Variants in USP34 observed in about 807,000 individuals in gnomAD.
USP34 encodes the protein ubiquitin carboxyl-terminal hydrolase 34.
A neutral mutation model predicts 460.3 loss-of-function variants in USP34; 70 were observed. The ratio of observed to expected loss-of-function variants is 0.15; its 90% confidence interval spans 0.13 to 0.19. The LOEUF is 0.19. Among genes scored for constraint, USP34 ranks in the 10% least tolerant of loss-of-function variants. The pLI, the probability that USP34 is intolerant of heterozygous loss-of-function variation, is 1.00. For synonymous variants in USP34, 1,647 were observed against 1,405.3 expected, an observed-to-expected ratio of 1.17 and a Z score of -3.85; for missense variants, 3,985 against 4,236.2, an observed-to-expected ratio of 0.94 and a Z score of 1.65.
intron 75 of USP34, among the ~76,000 whole-genome samples, chr2:61,202,523 GCT>G (rs565063753): frequency 4.9e-4 from 75 of 152,250 alleles, no homozygotes; most frequent in Non-Finnish European, 9.9e-4. Flanking sequence ...TTCTCTAACA[GCT>G]CTTAGGCACA....
chr2:61,190,127 A>G, intron 78 of USP34, 144 bp downstream of exon 78: 1 of 1,120,586 alleles, frequency 8.9e-7, no homozygotes, highest in Admixed American at 2.6e-5. Context: ...GTAAACGTGT[A>G]TTTAAAACTT....
chr2:61,243,490 G>GA (rs1032952219), intron 51 of USP34, among the ~76,000 whole-genome samples: 13 of 144,860 alleles, frequency 9.0e-5, no homozygotes, highest in Non-Finnish European at 1.5e-4. Context: ...ATATGTAAAA[G>GA]AAAAAAAAAG....
chr2:61,393,412 C>T (rs75828768), intron 5 of USP34, among the ~76,000 whole-genome samples: 18,563 of 141,990 alleles, frequency 0.13, 1,545 homozygotes, highest in South Asian at 0.36. Flanking sequence ...GCCTGGGCAA[C>T]AGAGCCAGAC....
At chr2:61,221,446 A>G in intron 66 of USP34, 56 bp downstream of exon 66, 1 of 1,478,704 alleles carries the variant, frequency 6.8e-7, no homozygotes, top group Non-Finnish European at 9.2e-7. Flanking sequence ...TGACTATATT[A>G]TAAAAATAAA....
At chr2:61,464,378 G>T (rs1695700952) in intron 1 of USP34, among the ~76,000 whole-genome samples, 1 of 152,088 alleles carries the variant, frequency 6.6e-6, no homozygotes, top group African/African-American at 2.4e-5. Flanking sequence ...ACAGATATTG[G>T]AGTAGCTGAG....
chr2:61,353,394 G>GTTT (rs1028464455), intron 10 of USP34, among the ~76,000 whole-genome samples: 3 of 135,286 alleles, frequency 2.2e-5, no homozygotes, highest in African/African-American at 3.1e-5. Flanking sequence ...CTAGACGAAT[G>GTTT]TTTTTTTTTT....
chr2:61,315,346 A>G (rs1383867245), intron 23 of USP34, among the ~76,000 whole-genome samples: 3 of 152,060 alleles, frequency 2.0e-5, no homozygotes, highest in Non-Finnish European at 4.4e-5. Flanking sequence ...GAAAATTAAC[A>G]ACATATGCTA....
intron 32 of USP34, 114 bp downstream of exon 32, chr2:61,294,835 C>T: frequency 1.2e-6 from 1 of 854,204 alleles, no homozygotes; most frequent in Non-Finnish European, 1.8e-6. Context: ...TTAAACTATG[C>T]TTTATTTTAA....
chr2:61,347,530 T>A (rs1024705515), intron 15 of USP34, among the ~76,000 whole-genome samples: 3 of 152,008 alleles, frequency 2.0e-5, no homozygotes, highest in African/African-American at 7.2e-5. Flanking sequence ...TGCACCACCA[T>A]GCCCGGCTAA....
At chr2:61,428,255 A>C (rs1186972661) in intron 1 of USP34, among the ~76,000 whole-genome samples, 2 of 151,978 alleles carry the variant, frequency 1.3e-5, no homozygotes. Context: ...AAAAAAAAAA[A>C]AAAAGTGATC....
At chr2:61,364,356 C>T (rs140001688) in intron 10 of USP34, among the ~76,000 whole-genome samples, 4 of 152,194 alleles carry the variant, frequency 2.6e-5, no homozygotes, top group South Asian at 2.1e-4. Flanking sequence ...TACAGCAAGA[C>T]GCTGTCTCCA....
Position 61,356,631 on chromosome 2 carries a change from G to C in USP34, c.1252-5938C>G, listed in dbSNP as rs372121918. 9.8e-5 allele frequency among the ~76,000 whole-genome samples: 15 copies of C among 152,308 alleles called. No individual in the cohort carries two copies. The South Asian group carries it at 1.7e-3, about 17-fold the overall frequency. Reference sequence around the variant, plus strand: ...AGTCACAAAAGGACAAATATTTAATGATTCCACTTATATCAGAAACCTAGA... The same window carrying C: ...AGTCACAAAAGGACAAATATTTAATCATTCCACTTATATCAGAAACCTAGA... On this transcript the variant is annotated intron_variant, in intron 10 of 79. Coordinates refer to ENST00000398571, the MANE Select transcript of USP34 (RefSeq NM_014709.4).
chr2:61,263,173 A>ATTTTT (rs36015748), intron 43 of USP34, among the ~76,000 whole-genome samples: 28 of 97,768 alleles, frequency 2.9e-4, no homozygotes, highest in Non-Finnish European at 3.9e-4. Flanking sequence ...CACACATGGA[A>ATTTTT]TTTTTTTTTT....
At chr2:61,439,688 G>T (rs1250787028) in intron 1 of USP34, among the ~76,000 whole-genome samples, 2 of 152,118 alleles carry the variant, frequency 1.3e-5, no homozygotes, top group East Asian at 1.9e-4. Flanking sequence ...CCTGACCTTG[G>T]CATGTTTCTA....
At chr2:61,461,973 C>A (rs1374106594) in intron 1 of USP34, among the ~76,000 whole-genome samples, 1 of 152,144 alleles carries the variant, frequency 6.6e-6, no homozygotes, top group Admixed American at 6.6e-5. Flanking sequence ...GACGCGGTGG[C>A]TCACACCTGT....
rs542048827 is a variant in USP34 at position 61,214,225 on chromosome 2, A to G, written c.8517T>C (p.Asp2839=). ...GGTTAAAAAGCACCACATCCTGATC[A>G]TCATGGTCAGCAAGGATGTAATTGA... ...IAFNYILADH[D]DQDVVLFNRG... The change falls in exon 68 of 80, where the codon GAT becomes GAC. Residue 2839 remains aspartate, a synonymous_variant. Transcript: ENST00000398571. 2 of 1,614,244 alleles carry G rather than the reference A, an allele frequency of 1.2e-6. No individual in the cohort carries two copies. Among genetic ancestry groups the G allele is most frequent in the East Asian group, 4.5e-5 (2 of 44,892 alleles).
chr2:61,375,171 G>T (rs1230202781), intron 8 of USP34, among the ~76,000 whole-genome samples: 2 of 151,976 alleles, frequency 1.3e-5, no homozygotes, highest in Non-Finnish European at 2.9e-5. Context: ...TAATAATTAG[G>T]GAAATGCAAA....
At chr2:61,430,053 A>T (rs945875141) in intron 1 of USP34, among the ~76,000 whole-genome samples, 4 of 152,132 alleles carry the variant, frequency 2.6e-5, no homozygotes, top group Admixed American at 1.3e-4. Context: ...GTCTCTACTA[A>T]AAATACAAAA....
chr2:61,442,306 T>TA (rs1246235498), intron 1 of USP34, among the ~76,000 whole-genome samples: 1 of 137,018 alleles, frequency 7.3e-6, no homozygotes, highest in South Asian at 2.2e-4. Context: ...ATCAACAGAG[T>TA]AAAAAAAGAC....
Sources: allele counts gnomAD v4.1 joint callset (sites outside exome capture counted in the v4.1 genomes callset), GRCh38; gene constraint gnomAD v4.1.1; transcripts MANE v1.5; gene names NCBI Gene and HGNC (gene_info 2026-07-23, HGNC 2026-07-21).